The following MYO16 variants were observed in gnomAD, a reference collection of about 807,000 sequenced individuals.
MYO16 encodes myosin XVI, also known as unconventional myosin-XVI.
In MYO16, 94 loss-of-function variants were observed where a neutral mutation model predicts 205.3. That is an observed-to-expected ratio of 0.46 (90% CI 0.39 to 0.54). MYO16 has a LOEUF of 0.54. Ranked by LOEUF, MYO16 falls within the 20% of genes least tolerant of loss-of-function variation. MYO16 has a pLI of 0.00. For synonymous variants in MYO16, 988 were observed against 954.0 expected (o/e 1.04, Z -0.66); for missense variants, 2,315 against 2,387.5 (o/e 0.97, Z 0.63).
intron 27 of MYO16, among the ~76,000 whole-genome samples, chr13:109,062,849 T>G (rs1887634362): frequency 6.6e-6 from 1 of 152,128 alleles, no homozygotes; most frequent in East Asian, 1.9e-4. Context: ...AATTTTTGGT[T>G]GTTTGTTTGG....
chr13:109,069,812 C>T (rs2139646685), intron 27 of MYO16, among the ~76,000 whole-genome samples: 1 of 152,224 alleles, frequency 6.6e-6, no homozygotes, highest in South Asian at 2.1e-4. Flanking sequence ...GATTTGGAGA[C>T]TTCAACATAT....
At chr13:109,199,905 C>T (rs1880334747) in intron 34 of MYO16, among the ~76,000 whole-genome samples, 1 of 152,162 alleles carries the variant, frequency 6.6e-6, no homozygotes, top group South Asian at 2.1e-4. Flanking sequence ...GATTTTACAG[C>T]ACTGACTATT....
intron 33 of MYO16, among the ~76,000 whole-genome samples, chr13:109,173,498 A>G (rs1341805881): frequency 6.6e-6 from 1 of 152,194 alleles, no homozygotes; most frequent in Non-Finnish European, 1.5e-5. Flanking sequence ...TGCACAATGT[A>G]TTGTGGCAGA....
At chr13:108,840,719 T>C (rs999578130) in intron 9 of MYO16, among the ~76,000 whole-genome samples, 1 of 152,116 alleles carries the variant, frequency 6.6e-6, no homozygotes, top group Non-Finnish European at 1.5e-5. Context: ...TTACTTTTTG[T>C]AGAGAAGGGG....
At chr13:108,579,308 T>A in the MYO16 span, among the ~76,000 whole-genome samples, 1 of 152,160 alleles carries the variant, frequency 6.6e-6, no homozygotes, top group African/African-American at 2.4e-5. Context: ...GAAAAGCTGT[T>A]AGAAATTTAG....
At chr13:109,074,476 T>A (rs1408510990) in intron 27 of MYO16, among the ~76,000 whole-genome samples, 2 of 152,268 alleles carry the variant, frequency 1.3e-5, no homozygotes, top group East Asian at 3.9e-4. Context: ...ATGTCTTATG[T>A]GGTGGCAGGA....
At chr13:108,819,682 A>G (rs1238093070) in intron 7 of MYO16, among the ~76,000 whole-genome samples, 1 of 152,084 alleles carries the variant, frequency 6.6e-6, no homozygotes, top group Non-Finnish European at 1.5e-5. Flanking sequence ...AATAATTTAA[A>G]ATATATGTTA....
chr13:108,947,101 A>G (rs1211488626), intron 16 of MYO16, among the ~76,000 whole-genome samples: 1 of 152,222 alleles, frequency 6.6e-6, no homozygotes, highest in Non-Finnish European at 1.5e-5. Flanking sequence ...AGTAGTAACT[A>G]TCTGTACATG....
intron 30 of MYO16, among the ~76,000 whole-genome samples, chr13:109,126,768 A>G (rs1395801308): frequency 6.6e-6 from 1 of 152,224 alleles, no homozygotes; most frequent in Non-Finnish European, 1.5e-5. Context: ...GAAAGAGAGT[A>G]ATGGGGAGAA....
chr13:108,665,715 T>A (rs1222281335), intron 1 of MYO16, among the ~76,000 whole-genome samples, 171 bp from the exon 2 acceptor site: 1 of 152,228 alleles, frequency 6.6e-6, no homozygotes, highest in Non-Finnish European at 1.5e-5. Context: ...ACACACGAAC[T>A]ATTTTTCCCC....
chr13:109,035,625 A>G (rs964161072), intron 23 of MYO16, among the ~76,000 whole-genome samples: 2 of 152,228 alleles, frequency 1.3e-5, no homozygotes, highest in African/African-American at 4.8e-5. Flanking sequence ...CAGAGGTTGC[A>G]GTGAGCAGAG....
chr13:109,045,527 T>A (rs1489921282), intron 23 of MYO16, among the ~76,000 whole-genome samples: 3 of 152,198 alleles, frequency 2.0e-5, no homozygotes, highest in Non-Finnish European at 4.4e-5. Context: ...TGAAAGTAGT[T>A]TAAGATTTTG....
chr13:108,500,416 G>C, the MYO16 span, among the ~76,000 whole-genome samples: 2 of 151,322 alleles, frequency 1.3e-5, no homozygotes, highest in Admixed American at 6.6e-5. Context: ...TTTTAGTAGA[G>C]ATGGGGTTTC....
intron 12 of MYO16, among the ~76,000 whole-genome samples, chr13:108,877,306 T>C (rs1489202586): frequency 6.6e-6 from 1 of 152,218 alleles, no homozygotes; most frequent in Non-Finnish European, 1.5e-5. Flanking sequence ...CAAGACTCAG[T>C]AGTATAGACT....
At chr13:108,719,028 C>T (rs1884057637) in intron 3 of MYO16, among the ~76,000 whole-genome samples, 1 of 152,082 alleles carries the variant, frequency 6.6e-6, no homozygotes, top group Admixed American at 6.5e-5. Flanking sequence ...GCCTGATTTG[C>T]TCTGCATCAG....
At chr13:108,782,865 T>C (rs1224307613) in intron 4 of MYO16, among the ~76,000 whole-genome samples, 1 of 152,148 alleles carries the variant, frequency 6.6e-6, no homozygotes, top group Non-Finnish European at 1.5e-5. Context: ...AAGTCAAGAA[T>C]TGAGGTTTAG....
chr13:108,978,129 A>G (rs1233188138), intron 20 of MYO16, among the ~76,000 whole-genome samples: 1 of 151,694 alleles, frequency 6.6e-6, no homozygotes, highest in Non-Finnish European at 1.5e-5. Flanking sequence ...CTGAACCTTG[A>G]GTTTCTTATG....
At chr13:108,642,144 T>G (rs1880530596) in intron 1 of MYO16, among the ~76,000 whole-genome samples, 1 of 152,240 alleles carries the variant, frequency 6.6e-6, no homozygotes, top group Non-Finnish European at 1.5e-5. Context: ...AATCAATTTA[T>G]TAATAACTTC....
chr13:108,846,068 G>A (rs866967200), intron 10 of MYO16, among the ~76,000 whole-genome samples: 4 of 152,036 alleles, frequency 2.6e-5, no homozygotes, highest in South Asian at 2.1e-4. Flanking sequence ...AAGTGTTTCT[G>A]AGCCATATAA....
Sources: gnomAD v4.1 joint callset for allele counts (sites outside exome capture counted in the v4.1 genomes callset) on GRCh38, gnomAD v4.1.1 for gene constraint, MANE v1.5 for transcripts, NCBI Gene and HGNC (gene_info 2026-07-23, HGNC 2026-07-21) for gene names.